The following HSF1 variants were observed in gnomAD, a reference collection of about 807,000 sequenced individuals.
The protein encoded by HSF1 is heat shock factor protein 1.
HSF1 carries 32 observed loss-of-function variants against 51.7 expected under a neutral mutation model. The observed-to-expected ratio is 0.62, with a 90% CI of 0.47 to 0.83. The LOEUF is 0.83. Ranked by LOEUF, HSF1 falls within the 40% of genes least tolerant of loss-of-function variation. The pLI, the probability that HSF1 is intolerant of heterozygous loss-of-function variation, is 0.00. For missense variants in HSF1, 727 were observed against 717.0 expected (o/e 1.01, Z -0.16); for synonymous variants, 396 against 309.7 (o/e 1.28, Z -2.92).
rs782099420 is a variant in HSF1 at position 144,313,898 on chromosome 8, G to A, written c.1301G>A (p.Ser434Asn). 2 of 1,608,282 alleles carry A rather than the reference G, an allele frequency of 1.2e-6. No individual in the cohort carries two copies. The highest frequency in any genetic ancestry group is 2.2e-5 in the East Asian group (1 of 44,710). Residue 434 changes from serine (S) to asparagine (N), a missense_variant, in exon 11 of 13, where the codon AGC becomes AAC. Coordinates refer to ENST00000528838, the MANE Select transcript of HSF1 (RefSeq NM_005526.4). Reference protein sequence around the residue: ...VPDMSLPDLDSSLASIQELLS... With the variant: ...VPDMSLPDLDNSLASIQELLS... The stretch of plus-strand genomic sequence containing the variant: ...GACATGAGCCTGCCTGACCTTGACA[G>A]CAGCCTGGCCAGTGTGCGTAGGCGG...
intron 1 of HSF1, among the ~76,000 whole-genome samples, chr8:144,306,805 T>G (rs1167539861): frequency 3.3e-5 from 5 of 152,258 alleles, no homozygotes; most frequent in Admixed American, 3.3e-4. Flanking sequence ...GGTTGCGTTC[T>G]TTCTTGTTTA....
intron 9 of HSF1, 85 bp downstream of exon 9, chr8:144,312,329 G>C (rs1554845107): frequency 1.3e-5 from 14 of 1,060,320 alleles, no homozygotes; most frequent in South Asian, 3.0e-5. Flanking sequence ...AGTGGACTGA[G>C]CAGGGCAGCT....
chr8:144,312,045 C>A lies in HSF1; in HGVS notation c.943C>A (p.Pro315Thr). The A allele has an allele frequency of 6.2e-7, 1 of 1,611,468 alleles. No homozygotes were observed. Among genetic ancestry groups the A allele is most frequent in the Admixed American group, 1.7e-5 (1 of 59,954 alleles). Residue 315 changes from proline (P) to threonine (T), a missense_variant, in exon 9 of 13, where the codon CCC (proline) becomes ACC (threonine). By Grantham distance (38) the Pro-to-Thr change is conservative. Around this residue, in one of 2 missense-constraint regions of HSF1, gnomAD observed 470 missense variants for 398.8 expected, o/e 1.18. Coordinates refer to ENST00000528838, the MANE Select transcript of HSF1 (RefSeq NM_005526.4). ...GAGCCCCCGGGTAGAGGAGGCGAGT[C>A]CCGGGCGCCCATCTTCCGTGGACAC... ...PQSPRVEEAS[P>T]GRPSSVDTLL... is the part of the protein sequence containing the mutation.
At chr8:144,313,487 A>C (rs769262392) in intron 9 of HSF1, 24 bp from the exon 10 acceptor site, 2 of 1,507,048 alleles carry the variant, frequency 1.3e-6, no homozygotes, top group African/African-American at 1.4e-5. Flanking sequence ...GCACTGGTTC[A>C]GGTACCGCCT....
Position 144,312,113 on chromosome 8 carries a change from G to T in HSF1, c.1011G>T (p.Glu337Asp), listed in dbSNP as rs369045018. Residue 337 changes from glutamate to aspartate, a missense_variant, in exon 9 of 13, where the codon GAG becomes GAT. Physicochemically the swap from Glu to Asp is conservative, Grantham distance 45 (BLOSUM62 2). Around this residue, in one of 2 missense-constraint regions of HSF1, gnomAD observed 470 missense variants for 398.8 expected, o/e 1.18. Transcript: ENST00000528838. ...PTALIDSILR[E>D]SEPAPASVTA... ...CCCTCATTGACTCCATCCTGCGGGA[G>T]AGTGAACCTGCCCCCGCCTCCGTCA... 6.2e-7 allele frequency: 1 copy of T among 1,612,376 alleles called. No individual in the cohort carries two copies. Among genetic ancestry groups the T allele is most frequent in the Non-Finnish European group, 8.5e-7 (1 of 1,179,848 alleles).
chr8:144,299,667 TG>T (rs1554841920), intron 1 of HSF1, among the ~76,000 whole-genome samples: 2 of 151,692 alleles, frequency 1.3e-5, no homozygotes, highest in African/African-American at 4.8e-5. Context: ...CCCAGCACTC[TG>T]GGAGGCCGAG....
chr8:144,308,768 TGG>T, intron 1 of HSF1, 136 bp from the exon 2 acceptor site: 1 of 704,028 alleles, frequency 1.4e-6, no homozygotes, highest in Non-Finnish European at 2.5e-6. Flanking sequence ...GCCAGCCCCC[TGG>T]GCCTCCCATG....
intron 1 of HSF1, among the ~76,000 whole-genome samples, chr8:144,296,724 G>A (rs578212279): frequency 2.6e-5 from 4 of 151,892 alleles, no homozygotes; most frequent in Non-Finnish European, 2.9e-5. Flanking sequence ...GGAGAACGGC[G>A]TGAACCCAGG....
At position 144,311,388 on chromosome 8, in the gene HSF1, G is replaced by C; in HGVS notation, c.626+6G>C. 1 of 1,613,924 alleles carries C rather than the reference G, an allele frequency of 6.2e-7. No homozygotes were observed. The highest frequency in any genetic ancestry group is 8.5e-7 in the Non-Finnish European group (1 of 1,180,000). ...CTGGGGGTGAAGAGAAAGATGTGAG[G>C]TTTTGGGGATGCCTGCATCCACCAC... On this transcript the variant is annotated splice_donor_region_variant and intron_variant, in intron 6 of 12. Coordinates refer to ENST00000528838, the MANE Select transcript of HSF1 (RefSeq NM_005526.4).
intron 1 of HSF1, among the ~76,000 whole-genome samples, chr8:144,295,330 A>T (rs1265666463): frequency 6.6e-6 from 1 of 152,222 alleles, no homozygotes; most frequent in African/African-American, 2.4e-5. Context: ...ATCTTTATTA[A>T]CAAGATAAGG....
Position 144,309,904 on chromosome 8 carries a change from C to A in HSF1, c.488+8C>A. On this transcript the variant is annotated splice_region_variant and intron_variant, in intron 4 of 12. Transcript: ENST00000528838. Reference sequence around the variant, plus strand: ...GCTCCTGGCCATGAAGCAGTAGGTCCCACACCAGCATTATGGGCCACAGCG... The same window carrying A: ...GCTCCTGGCCATGAAGCAGTAGGTCACACACCAGCATTATGGGCCACAGCG... The A allele has an allele frequency of 6.2e-7, 1 of 1,612,444 alleles. No individual in the cohort carries two copies. The highest frequency in any genetic ancestry group is 8.5e-7 in the Non-Finnish European group (1 of 1,179,126).
Position 144,309,811 on chromosome 8 carries a change from G to T in HSF1, c.403G>T (p.Asp135Tyr), listed in dbSNP as rs1554843984. The change falls in exon 4 of 13, where the codon GAC becomes TAC. Residue 135 changes from aspartate (D) to tyrosine (Y), a missense_variant. Around this residue, in one of 2 missense-constraint regions of HSF1, gnomAD observed 257 missense variants for 318.3 expected, o/e 0.81. Transcript: ENST00000528838. The part of the protein sequence containing the change: ...LKSEDIKIRQ[D>Y]SVTKLLTDVQ... ...GAGTGAAGACATAAAGATCCGCCAG[G>T]ACAGCGTCACCAAGCTGCTGACGGA... 2 of 1,613,922 alleles carry T rather than the reference G, an allele frequency of 1.2e-6. No individual in the cohort carries two copies. The highest frequency in any genetic ancestry group is 3.3e-5 in the Admixed American group (2 of 60,026).
chr8:144,308,301 C>A (rs1184279534), intron 1 of HSF1, among the ~76,000 whole-genome samples: 3 of 152,244 alleles, frequency 2.0e-5, no homozygotes, highest in Non-Finnish European at 2.9e-5. Context: ...CCCTCACCAG[C>A]GCCTCCTGAT....
intron 9 of HSF1, 109 bp downstream of exon 9, chr8:144,312,353 C>T: frequency 1.1e-6 from 1 of 884,112 alleles, no homozygotes; most frequent in Admixed American, 2.5e-5. Context: ...GAGGCAGGAC[C>T]CTACCCCCAA....
chr8:144,312,572 C>A, intron 9 of HSF1: 1 of 1,417,952 alleles, frequency 7.1e-7, no homozygotes, highest in Non-Finnish European at 9.6e-7. Context: ...GCAGGGCCGG[C>A]CTCCACACCC....
At position 144,294,948 on chromosome 8, in the gene HSF1, C is replaced by T. The variant is rs1010302117; in HGVS notation, c.117+3074C>T. 5.8e-4 allele frequency among the ~76,000 whole-genome samples: 89 copies of T among 152,358 alleles called. No homozygotes were observed. The Middle Eastern group carries it at 0.01, about 17-fold the overall frequency. On this transcript the variant is annotated intron_variant, in intron 1 of 12. Coordinates refer to ENST00000528838, the MANE Select transcript of HSF1 (RefSeq NM_005526.4). ...ACGTGGGTGGTCCTCCCTCAGCCAGCTTCTCAACAGCTTCTCCCAAAGGTA... is the reference window on the plus strand; with the variant it reads ...ACGTGGGTGGTCCTCCCTCAGCCAGTTTCTCAACAGCTTCTCCCAAAGGTA...
At chr8:144,313,365 C>T (rs1440758580) in intron 9 of HSF1, 146 bp from the exon 10 acceptor site, 4 of 604,314 alleles carry the variant, frequency 6.6e-6, no homozygotes, top group South Asian at 3.9e-5. Flanking sequence ...AGGCCGTCCT[C>T]GAATGCGCTG....
Position 144,291,995 on chromosome 8 carries a change from T to G in HSF1, c.117+121T>G. Reference sequence around the variant, plus strand: ...CACTTCAGCTTACGCGCGGTGAGCCTGCCCTGCCCCCGCCAGAGAAGGGCG... The same window carrying G: ...CACTTCAGCTTACGCGCGGTGAGCCGGCCCTGCCCCCGCCAGAGAAGGGCG... On this transcript the variant is annotated intron_variant, in intron 1 of 12. Coordinates refer to ENST00000528838, the MANE Select transcript of HSF1 (RefSeq NM_005526.4). The surrounding 1 kb of genome is among the most constrained non-coding windows in gnomAD (Gnocchi z 4.1). 2.1e-6 allele frequency: 1 copy of G among 481,998 alleles called. No individual in the cohort carries two copies. Among genetic ancestry groups the G allele is most frequent in the Non-Finnish European group, 3.5e-6 (1 of 286,352 alleles). The allele number at this position is 481,998 out of a possible 1,614,324, so 29.9% of individuals were successfully genotyped here.
At position 144,308,963 on chromosome 8, in the gene HSF1, A is replaced by C; in HGVS notation, c.175A>C (p.Lys59Gln). Residue 59 changes from lysine (K) to glutamine (Q), a missense_variant, in exon 2 of 13, where the codon AAG becomes CAG. Physicochemically the swap from Lys to Gln is moderately conservative, Grantham distance 53. This residue lies in a region of HSF1 where 257 missense variants were observed against 318.3 expected (regional missense o/e 0.81). Coordinates refer to ENST00000528838, the MANE Select transcript of HSF1 (RefSeq NM_005526.4). ...CCAGTTTGCCAAGGAGGTGCTGCCCAAGTACTTCAAGCACAACAACATGGC... is the reference window on the plus strand; with the variant it reads ...CCAGTTTGCCAAGGAGGTGCTGCCCCAGTACTTCAAGCACAACAACATGGC... ...QGQFAKEVLPKYFKHNNMASF... is the reference protein window; with the variant it reads ...QGQFAKEVLPQYFKHNNMASF... The C allele has an allele frequency of 6.2e-7, 1 of 1,614,140 alleles. No individual in the cohort carries two copies. Among genetic ancestry groups the C allele is most frequent in the South Asian group, 1.1e-5 (1 of 91,084 alleles).
Sources: gnomAD v4.1 joint callset for allele counts (sites outside exome capture counted in the v4.1 genomes callset) on GRCh38, gnomAD v4.1.1 for gene constraint, gnomAD v4.1.1 regional missense constraint, Gnocchi (gnomAD v3.1) non-coding constraint, MANE v1.5 for transcripts, NCBI Gene and HGNC (gene_info 2026-07-23, HGNC 2026-07-21) for gene names.